ALX4: variants seen among roughly 807,000 people sequenced by gnomAD.
ALX4 encodes ALX homeobox 4, also known as homeobox protein aristaless-like 4.
A neutral mutation model predicts 40.6 loss-of-function variants in ALX4; 22 were observed. The observed-to-expected ratio is 0.54, with a 90% CI of 0.39 to 0.77. The LOEUF (loss-of-function observed/expected upper bound fraction) is 0.77, where lower values mean the gene tolerates loss of function less well. Ranked by LOEUF, ALX4 falls within the 30% of genes least tolerant of loss-of-function variation. The probability of loss-of-function intolerance (pLI) is 0.00; values close to 1 mark genes in which losing one functional copy is unlikely to be tolerated. For missense variants in ALX4, 556 were observed against 564.8 expected (o/e 0.98, Z 0.16); for synonymous variants, 266 against 240.5 (o/e 1.11, Z -0.98).
chr11:44,302,850 G>A (rs1158830521), intron 1 of ALX4, among the ~76,000 whole-genome samples: 1 of 152,186 alleles, frequency 6.6e-6, no homozygotes, highest in Non-Finnish European at 1.5e-5. Context: ...ATGCGTGTGG[G>A]GGTGAGGAGG....
intron 2 of ALX4, among the ~76,000 whole-genome samples, chr11:44,273,025 TG>T (rs1385472788): frequency 2.6e-5 from 4 of 152,140 alleles, no homozygotes; most frequent in Non-Finnish European, 4.4e-5. Flanking sequence ...AGAAAATGGT[TG>T]TAACTGATGA....
intron 2 of ALX4, among the ~76,000 whole-genome samples, chr11:44,273,813 C>T (rs900433547): frequency 3.3e-5 from 5 of 152,002 alleles, no homozygotes; most frequent in Non-Finnish European, 5.9e-5. Context: ...TTATCCCAGG[C>T]GTGGTGGTGT....
intron 1 of ALX4, among the ~76,000 whole-genome samples, chr11:44,277,348 T>C (rs1156482045): frequency 6.6e-6 from 1 of 152,144 alleles, no homozygotes; most frequent in Non-Finnish European, 1.5e-5. Context: ...GCCAACTGGG[T>C]GTCTGCAGAT....
intron 2 of ALX4, among the ~76,000 whole-genome samples, chr11:44,270,785 G>A (rs1037148202): frequency 4.6e-5 from 7 of 152,172 alleles, no homozygotes; most frequent in Non-Finnish European, 8.8e-5. Context: ...CCCAGCCTGG[G>A]CCCACTCAGC....
intron 1 of ALX4, among the ~76,000 whole-genome samples, chr11:44,279,858 TC>T (rs1341884086): frequency 1.3e-5 from 2 of 151,906 alleles, no homozygotes; most frequent in Non-Finnish European, 3.0e-5. Flanking sequence ...GTTTGTCCCT[TC>T]TCAGCCTGAG....
At chr11:44,302,687 A>G (rs906613016) in intron 1 of ALX4, among the ~76,000 whole-genome samples, 2 of 152,134 alleles carry the variant, frequency 1.3e-5, no homozygotes, top group Non-Finnish European at 2.9e-5. Context: ...CCCTATTTGC[A>G]TCCCAGTCCT....
rs1200813675 is a variant in ALX4, at chr11:44,264,057, C to T, written c.*797G>A. The T allele has an allele frequency of 6.6e-6, 1 of 152,600 alleles. No individual in the cohort carries two copies. The highest frequency in any genetic ancestry group is 1.5e-5 in the Non-Finnish European group (1 of 68,302). 9.5% of individuals were successfully genotyped at this position (152,600 alleles called of 1,614,324 possible). On this transcript the variant is annotated 3_prime_UTR_variant, in exon 4 of 4. Coordinates refer to ENST00000652299, the MANE Select transcript of ALX4 (RefSeq NM_021926.4). ...CCCAGGACCTTTCCTTCTTCTAGCA[C>T]CATGGGAGCCCTTGTGGCATCTGTG...
intron 1 of ALX4, among the ~76,000 whole-genome samples, chr11:44,279,621 TC>T (rs750437888): frequency 2.0e-5 from 3 of 152,024 alleles, no homozygotes; most frequent in Non-Finnish European, 4.4e-5. Context: ...CTGACCTTGG[TC>T]CCCCAAGTCC....
At chr11:44,299,607 G>A (rs1193323747) in intron 1 of ALX4, among the ~76,000 whole-genome samples, 3 of 152,034 alleles carry the variant, frequency 2.0e-5, no homozygotes, top group African/African-American at 4.8e-5. Flanking sequence ...TGATCCGCCC[G>A]CCTAGGCCTC....
rs7942612 is a variant in ALX4 at position 44,263,155 on chromosome 11, C to A, written c.*1699G>T. 13,677 of 152,256 alleles carry A rather than the reference C, an allele frequency of 0.09. 785 individuals carry two copies. The highest frequency in any genetic ancestry group is 0.32 in the East Asian group (1,630 of 5,150). 9.4% of individuals were successfully genotyped at this position (152,256 alleles called of 1,614,324 possible). A position where few individuals can be genotyped will look rare whatever the true frequency, so the allele number is the denominator to read the frequency against. On this transcript the variant is annotated 3_prime_UTR_variant, in exon 4 of 4. Transcript: ENST00000652299. ...ATTCAACAACACCAAGTTTACCCTC[C>A]GCCCAACCCAGGAGGCCTTTCTGTG... is the stretch of plus-strand genomic sequence containing the variant.
Position 44,264,931 on chromosome 11 carries a change from C to T in ALX4, c.1159G>A (p.Asp387Asn), listed in dbSNP as rs1956203843. 6.2e-7 allele frequency: 1 copy of T among 1,613,046 alleles called. No homozygotes were observed. Among genetic ancestry groups the T allele is most frequent in the Non-Finnish European group, 8.5e-7 (1 of 1,179,942 alleles). The change falls in exon 4 of 4, where the codon GAC becomes AAC. Residue 387 changes from aspartate (D) to asparagine (N), a missense_variant. Coordinates refer to ENST00000652299, the MANE Select transcript of ALX4 (RefSeq NM_021926.4). ...LNGYELNGEPDRKTSSIAALR... is the reference protein window; with the variant it reads ...LNGYELNGEPNRKTSSIAALR... ...GCCGCGATGCTCGAGGTCTTGCGGT[C>T]CGGCTCGCCGTTGAGCTCGTAGCCA...
intron 1 of ALX4, among the ~76,000 whole-genome samples, chr11:44,298,623 G>A (rs1056309344): frequency 7.9e-5 from 12 of 152,210 alleles, no homozygotes; most frequent in Non-Finnish European, 1.3e-4. Context: ...AGCCGACCCC[G>A]GGGGCTGTGG....
rs1255673316 is a variant in ALX4, at chr11:44,262,289, A to T, written c.*2565T>A. The T allele has an allele frequency of 6.6e-6, 1 of 152,132 alleles. No homozygotes were observed. The highest frequency in any genetic ancestry group is 1.5e-5 in the Non-Finnish European group (1 of 68,098). The allele number at this position is 152,132 out of a possible 1,614,324, so 9.4% of individuals were successfully genotyped here. ...CCAACTCGGTGGTCCTATCATACTT[A>T]GTGTGGTTAGGTGGCCCCCAAGGGC... On this transcript the variant is annotated 3_prime_UTR_variant, in exon 4 of 4. Transcript: ENST00000652299.
At position 44,309,858 on chromosome 11, in the gene ALX4, C is replaced by G; in HGVS notation, c.205G>C (p.Gly69Arg). Reference protein sequence around the residue: ...DAKSRARYGAGQQDLATPLES... With the variant: ...DAKSRARYGARQQDLATPLES... ...AGGGGTGTCGCCAGGTCCTGCTGCCCAGCGCCGTAACGGGCCCGGCTCTTG... is the reference window on the plus strand; with the variant it reads ...AGGGGTGTCGCCAGGTCCTGCTGCCGAGCGCCGTAACGGGCCCGGCTCTTG... Residue 69 changes from glycine (G) to arginine (R), a missense_variant, in exon 1 of 4, where the codon GGG (glycine) becomes CGG (arginine). Coordinates refer to ENST00000652299, the MANE Select transcript of ALX4 (RefSeq NM_021926.4). 6 of 1,562,502 alleles carry G rather than the reference C, an allele frequency of 3.8e-6. No homozygotes were observed. The highest frequency in any genetic ancestry group is 5.2e-6 in the Non-Finnish European group (6 of 1,152,800).
At chr11:44,309,217 G>GCCCCGCAA (rs1253158616) in intron 1 of ALX4, among the ~76,000 whole-genome samples, 2 of 150,822 alleles carry the variant, frequency 1.3e-5, no homozygotes, top group East Asian at 3.9e-4. Context: ...CAGCCCCGCA[G>GCCCCGCAA]CCCCGCAGCC....
rs770666353 is a variant in ALX4, at chr11:44,264,838, G to A, written c.*16C>T. 3.1e-6 allele frequency: 5 copies of A among 1,611,830 alleles called. No individual in the cohort carries two copies. Among genetic ancestry groups the A allele is most frequent in the Admixed American group, 1.7e-5 (1 of 59,992 alleles). On this transcript the variant is annotated 3_prime_UTR_variant, in exon 4 of 4. Coordinates refer to ENST00000652299, the MANE Select transcript of ALX4 (RefSeq NM_021926.4). ...CCCATGGTGTCCCGAGGTGGGGACG[G>A]GGCAGGGGTGCCCTGTCATGTGGCC...
chr11:44,309,497 G>C, intron 1 of ALX4, 100 bp downstream of exon 1: 1 of 1,506,368 alleles, frequency 6.6e-7, no homozygotes, highest in Non-Finnish European at 8.8e-7. Flanking sequence ...CCCGCCCCCA[G>C]CCCGCCAACT....
chr11:44,264,758 G>T lies in ALX4; in HGVS notation c.*96C>A. The T allele has an allele frequency of 7.0e-7, 1 of 1,424,234 alleles. No individual in the cohort carries two copies. Among genetic ancestry groups the T allele is most frequent in the Non-Finnish European group, 9.6e-7 (1 of 1,042,506 alleles). The allele number at this position is 1,424,234 out of a possible 1,614,324, so 88.2% of individuals were successfully genotyped here. On this transcript the variant is annotated 3_prime_UTR_variant, in exon 4 of 4. Transcript: ENST00000652299. ...GGGTCAGGCCCCTGGCCCAGGCCAG[G>T]TTCCTAAGAGGAAAGTCGAGTGGGA...
intron 1 of ALX4, among the ~76,000 whole-genome samples, chr11:44,284,947 A>G (rs1421075789): frequency 2.0e-5 from 3 of 151,824 alleles, no homozygotes; most frequent in Non-Finnish European, 4.4e-5. Flanking sequence ...ACACACAGAG[A>G]AAACATTACT....
Sources: allele counts gnomAD v4.1 joint callset (sites outside exome capture counted in the v4.1 genomes callset), GRCh38; gene constraint gnomAD v4.1.1; transcripts MANE v1.5; gene names NCBI Gene and HGNC (gene_info 2026-07-23, HGNC 2026-07-21).